The following GRIK1 variants were observed in gnomAD, a reference collection of about 807,000 sequenced individuals.
GRIK1 encodes the protein glutamate receptor ionotropic, kainate 1.
GRIK1 carries 69 observed loss-of-function variants against 105.7 expected under a neutral mutation model. That is an observed-to-expected ratio of 0.65 (90% confidence interval 0.54 to 0.80). The LOEUF (loss-of-function observed/expected upper bound fraction) is 0.80, where lower values mean the gene tolerates loss of function less well. GRIK1 is among the 30% of genes least tolerant of loss of function. GRIK1 has a pLI of 0.00. For synonymous variants in GRIK1, 438 were observed against 431.3 expected (o/e 1.02, Z -0.19); for missense variants, 1,109 against 1,167.3 (o/e 0.95, Z 0.73).
chr21:29,693,309 C>A (rs1414461292), intron 2 of GRIK1, among the ~76,000 whole-genome samples: 1 of 152,156 alleles, frequency 6.6e-6, no homozygotes, highest in African/African-American at 2.4e-5. Flanking sequence ...AACCTTGCAG[C>A]CAACATATGA....
intron 14 of GRIK1, among the ~76,000 whole-genome samples, chr21:29,562,582 G>A (rs549795731): frequency 2.6e-5 from 4 of 152,132 alleles, no homozygotes; most frequent in Non-Finnish European, 5.9e-5. Context: ...TTGAACCCGG[G>A]AGGTGGAGGT....
chr21:29,829,327 G>A (rs1023910323), intron 1 of GRIK1, among the ~76,000 whole-genome samples: 3 of 152,162 alleles, frequency 2.0e-5, no homozygotes, highest in African/African-American at 7.2e-5. Flanking sequence ...TCTTCTTGAA[G>A]CAAAGGGAAT....
intron 7 of GRIK1, among the ~76,000 whole-genome samples, chr21:29,603,060 A>G (rs1478774754): frequency 6.6e-6 from 1 of 152,178 alleles, no homozygotes; most frequent in Non-Finnish European, 1.5e-5. Flanking sequence ...GCACACCTTT[A>G]AATATTAATG....
At chr21:29,647,494 G>A (rs1407502610) in intron 6 of GRIK1, among the ~76,000 whole-genome samples, 1 of 152,164 alleles carries the variant, frequency 6.6e-6, no homozygotes, top group African/African-American at 2.4e-5. Flanking sequence ...CATGATTAAG[G>A]GAAATGTTTA....
At chr21:29,874,375 C>T (rs1272823194) in intron 1 of GRIK1, among the ~76,000 whole-genome samples, 1 of 152,126 alleles carries the variant, frequency 6.6e-6, no homozygotes, top group African/African-American at 2.4e-5. Context: ...TTAGATAAGG[C>T]TTGGGGATGA....
At position 29,662,177 on chromosome 21, in the gene GRIK1, T is replaced by C. The variant is rs139268963; in HGVS notation, c.727-7314A>G. On this transcript the variant is annotated intron_variant, in intron 4 of 17. Transcript: ENST00000327783. ...ATATTAATAAAAGGAGTGCAAATCA[T>C]TGGGGTTTAGTTTAGCTTGGAAGAT... Among the ~76,000 whole-genome samples the C allele has an allele frequency of 7.5e-4, 114 of 152,276 alleles. 1 individual carries two copies. Among genetic ancestry groups the C allele is most frequent in the African/African-American group, 2.6e-3 (107 of 41,564 alleles).
At chr21:29,697,935 TTTC>T (rs1460341844) in intron 1 of GRIK1, among the ~76,000 whole-genome samples, 1 of 140,220 alleles carries the variant, frequency 7.1e-6, no homozygotes, top group African/African-American at 3.1e-5. Context: ...TCTCTCTTTC[TTTC>T]TTTCTTTCTT....
intron 1 of GRIK1, 76 bp from the exon 2 acceptor site, chr21:29,694,139 T>TG: frequency 3.0e-6 from 3 of 1,009,268 alleles, no homozygotes; most frequent in Non-Finnish European, 4.2e-6. Context: ...TTTTTTTTTT[T>TG]TTTGAGACGG....
At chr21:29,924,591 C>A (rs891967959) in intron 1 of GRIK1, among the ~76,000 whole-genome samples, 1 of 152,102 alleles carries the variant, frequency 6.6e-6, no homozygotes, top group Admixed American at 6.5e-5. Flanking sequence ...ACCTACCTAT[C>A]TTAGCATTTA....
chr21:29,735,181 G>A (rs963248493), intron 1 of GRIK1, among the ~76,000 whole-genome samples: 3 of 152,170 alleles, frequency 2.0e-5, no homozygotes, highest in South Asian at 2.1e-4. Flanking sequence ...GATCTCCAGA[G>A]CCTAAAAAAC....
intron 7 of GRIK1, among the ~76,000 whole-genome samples, chr21:29,638,686 A>T (rs1437010672): frequency 6.6e-6 from 1 of 152,264 alleles, no homozygotes; most frequent in African/African-American, 2.4e-5. Context: ...TGAATTATAC[A>T]TGTACATTTT....
At chr21:29,907,444 C>T (rs907918916) in intron 1 of GRIK1, among the ~76,000 whole-genome samples, 37 of 152,054 alleles carry the variant, frequency 2.4e-4, no homozygotes, top group African/African-American at 8.9e-4. Flanking sequence ...AGGTGACAGA[C>T]GTGTCCCCCG....
intron 1 of GRIK1, among the ~76,000 whole-genome samples, chr21:29,800,856 T>C (rs774224307): frequency 2.6e-5 from 4 of 152,116 alleles, no homozygotes; most frequent in African/African-American, 9.7e-5. Flanking sequence ...AGAAAGAGGA[T>C]CCATGGTCTA....
chr21:29,682,255 A>T (rs1031569151), intron 3 of GRIK1, among the ~76,000 whole-genome samples: 1 of 152,230 alleles, frequency 6.6e-6, no homozygotes, highest in Non-Finnish European at 1.5e-5. Flanking sequence ...TTCAGTAGCC[A>T]TTAACTTCTA....
intron 1 of GRIK1, among the ~76,000 whole-genome samples, chr21:29,937,435 G>A (rs555279191): frequency 6.6e-6 from 1 of 152,212 alleles, no homozygotes; most frequent in Non-Finnish European, 1.5e-5. Context: ...TTATCTTGTT[G>A]CATATATTTG....
chr21:29,635,896 A>G (rs2146501523), intron 7 of GRIK1, among the ~76,000 whole-genome samples: 1 of 152,294 alleles, frequency 6.6e-6, no homozygotes, highest in Non-Finnish European at 1.5e-5. Context: ...TCACCCAATG[A>G]GTAAAAGAAA....
intron 1 of GRIK1, among the ~76,000 whole-genome samples, chr21:29,774,461 T>TG (rs1384204295): frequency 6.7e-6 from 1 of 148,322 alleles, no homozygotes; most frequent in African/African-American, 2.5e-5. Context: ...TTTTTTTTTT[T>TG]TTTTTTCTGA....
chr21:29,760,235 C>T (rs2065472416), intron 1 of GRIK1, among the ~76,000 whole-genome samples: 1 of 152,182 alleles, frequency 6.6e-6, no homozygotes, highest in Non-Finnish European at 1.5e-5. Context: ...ATCCTCTTTT[C>T]ACCTCCAACA....
chr21:29,611,290 A>T (rs1051886026), intron 7 of GRIK1, among the ~76,000 whole-genome samples: 5 of 152,206 alleles, frequency 3.3e-5, no homozygotes, highest in African/African-American at 1.2e-4. Flanking sequence ...CAAGTCTAGT[A>T]CAGAAGATGA....
Sources: allele counts gnomAD v4.1 joint callset (sites outside exome capture counted in the v4.1 genomes callset), GRCh38; gene constraint gnomAD v4.1.1; transcripts MANE v1.5; gene names NCBI Gene and HGNC (gene_info 2026-07-23, HGNC 2026-07-21).